Variants in RXFP2 observed in about 807,000 individuals in gnomAD.
The protein encoded by RXFP2 is relaxin family peptide receptor 2.
A neutral mutation model predicts 88.6 loss-of-function variants in RXFP2; 68 were observed. That is an observed-to-expected ratio of 0.77 (90% CI 0.63 to 0.94). The LOEUF (loss-of-function observed/expected upper bound fraction) is 0.94, where lower values mean the gene tolerates loss of function less well. Ranked by LOEUF, RXFP2 falls within the 40% of genes least tolerant of loss-of-function variation. The pLI is 0.00. For synonymous variants in RXFP2, 329 were observed against 306.8 expected, an observed-to-expected ratio of 1.07 and a Z score of -0.76; for missense variants, 791 against 893.9, an observed-to-expected ratio of 0.88 and a Z score of 1.47.
intron 2 of RXFP2, among the ~76,000 whole-genome samples, chr13:31,759,426 A>AAAGAAAG (rs1566218574): frequency 2.7e-4 from 40 of 149,032 alleles, no homozygotes; most frequent in South Asian, 4.3e-4. Context: ...AGAAAGAAAG[A>AAAGAAAG]AAGAAAGAAA....
intron 5 of RXFP2, among the ~76,000 whole-genome samples, chr13:31,770,960 G>C (rs1252314496): frequency 6.6e-6 from 1 of 152,148 alleles, no homozygotes; most frequent in East Asian, 1.9e-4. Context: ...ATCTTCACCA[G>C]GGAGAAGAAA....
chr13:31,754,166 G>A (rs1871811904), intron 1 of RXFP2, among the ~76,000 whole-genome samples: 1 of 152,172 alleles, frequency 6.6e-6, no homozygotes, highest in African/African-American at 2.4e-5. Flanking sequence ...ACAATTGATT[G>A]CTTGTTTGCC....
Position 31,789,150 on chromosome 13 carries a change from A to G in RXFP2, c.1102A>G (p.Ile368Val), listed in dbSNP as rs757935297. 2 of 1,608,904 alleles carry G rather than the reference A, an allele frequency of 1.2e-6. No individual in the cohort carries two copies. The highest frequency in any genetic ancestry group is 1.7e-6 in the Non-Finnish European group (2 of 1,176,186). Residue 368 changes from isoleucine to valine, a missense_variant, in exon 14 of 18, where the codon ATA becomes GTA. Transcript: ENST00000298386. ...CCTGGAAAGGATAGAGATTCCAAAT[A>G]TAAACACACGAATGTTTCAACCCAT... ...LDLERIEIPN[I>V]NTRMFQPMKN...
At position 31,781,682 on chromosome 13, in the gene RXFP2, G is replaced by A. The variant is rs1382603818; in HGVS notation, c.797G>A (p.Gly266Asp). Reference sequence around the variant, plus strand: ...TCCATGACTTCCAGGGATTTGGAAGGCAATAGAATAAAGTATCTCACAAAT... The same window carrying A: ...TCCATGACTTCCAGGGATTTGGAAGACAATAGAATAAAGTATCTCACAAAT... ...MPQLNWVDLEGNRIKYLTNST... is the reference protein window; with the variant it reads ...MPQLNWVDLEDNRIKYLTNST... Residue 266 changes from glycine (G) to aspartate (D), a missense_variant, in exon 10 of 18, where the codon GGC becomes GAC. Coordinates refer to ENST00000298386, the MANE Select transcript of RXFP2 (RefSeq NM_130806.5). 1 of 1,608,848 alleles carries A rather than the reference G, an allele frequency of 6.2e-7. No individual in the cohort carries two copies. The highest frequency in any genetic ancestry group is 1.3e-5 in the African/African-American group (1 of 74,778).
chr13:31,752,465 A>G (rs17076574), intron 1 of RXFP2, among the ~76,000 whole-genome samples: 5,178 of 152,208 alleles, frequency 0.034, 245 homozygotes, highest in African/African-American at 0.1. Flanking sequence ...AAACTTCTGA[A>G]TATAACGATT....
chr13:31,791,738 G>A (rs776471423), intron 14 of RXFP2, 68 bp from the exon 15 acceptor site: 92 of 1,071,796 alleles, frequency 8.6e-5, no homozygotes, highest in Middle Eastern at 5.9e-4. Context: ...TTGCAGCCCC[G>A]ATAGGACTGC....
At chr13:31,751,602 G>T (rs1382543538) in intron 1 of RXFP2, among the ~76,000 whole-genome samples, 2 of 152,184 alleles carry the variant, frequency 1.3e-5, no homozygotes, top group Non-Finnish European at 2.9e-5. Flanking sequence ...AAGTTGATGG[G>T]AATAGAATCT....
At chr13:31,762,768 A>C (rs1872361361) in intron 3 of RXFP2, among the ~76,000 whole-genome samples, 1 of 152,208 alleles carries the variant, frequency 6.6e-6, no homozygotes, top group Non-Finnish European at 1.5e-5. Flanking sequence ...AAAATTAGAA[A>C]GTAAAAAAGG....
intron 17 of RXFP2, among the ~76,000 whole-genome samples, chr13:31,801,492 G>T (rs1874341262): frequency 6.6e-6 from 1 of 152,030 alleles, no homozygotes; most frequent in Admixed American, 6.6e-5. Flanking sequence ...GATGCATTTT[G>T]TGCTAACCAA....
At chr13:31,785,646 C>T (rs1488557281) in intron 11 of RXFP2, among the ~76,000 whole-genome samples, 1 of 151,838 alleles carries the variant, frequency 6.6e-6, no homozygotes, top group Non-Finnish European at 1.5e-5. Context: ...TCAGCAGTTC[C>T]AGAGTATCAA....
At chr13:31,798,751 A>G (rs1421753083) in intron 17 of RXFP2, among the ~76,000 whole-genome samples, 2 of 152,112 alleles carry the variant, frequency 1.3e-5, no homozygotes, top group East Asian at 3.9e-4. Context: ...TTTGTTTTCT[A>G]TGCTTTTCTG....
intron 4 of RXFP2, among the ~76,000 whole-genome samples, chr13:31,765,432 C>CTTTT (rs58728346): frequency 1.3e-5 from 2 of 149,326 alleles, no homozygotes; most frequent in African/African-American, 4.9e-5. Flanking sequence ...TGTTGAAATG[C>CTTTT]TTTTTTTTTT....
At chr13:31,785,803 T>G (rs1394060139) in intron 11 of RXFP2, among the ~76,000 whole-genome samples, 1 of 152,188 alleles carries the variant, frequency 6.6e-6, no homozygotes, top group Non-Finnish European at 1.5e-5. Flanking sequence ...AGAGTCACTT[T>G]CTTAGGATTC....
chr13:31,801,434 A>G (rs909502094), intron 17 of RXFP2, among the ~76,000 whole-genome samples: 7 of 152,036 alleles, frequency 4.6e-5, no homozygotes, highest in African/African-American at 7.2e-5. Context: ...CTCACACTCA[A>G]CCTAGCTAAG....
intron 17 of RXFP2, among the ~76,000 whole-genome samples, chr13:31,799,294 C>A (rs762834392): frequency 6.6e-6 from 1 of 152,136 alleles, no homozygotes; most frequent in South Asian, 2.1e-4. Context: ...TGACTGCAAC[C>A]TCTGCCTCCC....
chr13:31,747,865 C>CA (rs1871490576), intron 1 of RXFP2, among the ~76,000 whole-genome samples: 1 of 151,918 alleles, frequency 6.6e-6, no homozygotes, highest in Non-Finnish European at 1.5e-5. Context: ...AAAGTTTTTG[C>CA]AAAAATGACT....
At chr13:31,743,482 A>T (rs1178522680) in intron 1 of RXFP2, among the ~76,000 whole-genome samples, 1 of 152,144 alleles carries the variant, frequency 6.6e-6, no homozygotes, top group African/African-American at 2.4e-5. Context: ...TTAAAAAAAA[A>T]AAAATTAAAG....
chr13:31,773,519 G>A (rs1872809757), intron 5 of RXFP2, among the ~76,000 whole-genome samples: 1 of 150,678 alleles, frequency 6.6e-6, no homozygotes, highest in Non-Finnish European at 1.5e-5. Context: ...CCATTTTTAA[G>A]TGTACAGTTT....
At chr13:31,751,025 C>G (rs1190781463) in intron 1 of RXFP2, among the ~76,000 whole-genome samples, 1 of 152,174 alleles carries the variant, frequency 6.6e-6, no homozygotes, top group Non-Finnish European at 1.5e-5. Context: ...TGCAGTGGCT[C>G]ATGCCTGTAA....
Sources: allele counts gnomAD v4.1 joint callset (sites outside exome capture counted in the v4.1 genomes callset), GRCh38; gene constraint gnomAD v4.1.1; transcripts MANE v1.5; gene names NCBI Gene and HGNC (gene_info 2026-07-23, HGNC 2026-07-21).